FN3K: variants seen among roughly 807,000 people sequenced by gnomAD.
FN3K encodes fructosamine 3 kinase, also known as fructosamine-3-kinase.
A neutral mutation model predicts 24.8 loss-of-function variants in FN3K; 24 were observed. That is an observed-to-expected ratio of 0.97 (90% CI 0.70 to 1.36). FN3K has a LOEUF of 1.36. FN3K is among the 40% of genes most tolerant of loss of function. The probability of loss-of-function intolerance (pLI) is 0.00; values close to 1 mark genes in which losing one functional copy is unlikely to be tolerated. For synonymous variants in FN3K, 192 were observed against 175.2 expected (o/e 1.10, Z -0.76); for missense variants, 449 against 416.7 (o/e 1.08, Z -0.67).
intron 2 of FN3K, 66 bp from the exon 3 acceptor site, chr17:82,740,697 G>A: frequency 8.8e-7 from 1 of 1,132,142 alleles, no homozygotes. Flanking sequence ...TTCTCAAAAT[G>A]GAACAAACTG....
At chr17:82,739,070 C>T (rs535751840) in intron 2 of FN3K, among the ~76,000 whole-genome samples, 2 of 151,062 alleles carry the variant, frequency 1.3e-5, no homozygotes, top group East Asian at 1.9e-4. Flanking sequence ...ACCTCAGCCT[C>T]CTGAGTAGCT....
chr17:82,738,749 C>T (rs2046921614), intron 2 of FN3K, 109 bp downstream of exon 2: 2 of 1,385,612 alleles, frequency 1.4e-6, no homozygotes, highest in East Asian at 4.7e-5. Context: ...GAGACAGAAA[C>T]AGGGAGAAGC....
chr17:82,747,127 GCTTA>G (rs1271396540), intron 4 of FN3K, among the ~76,000 whole-genome samples: 2 of 151,594 alleles, frequency 1.3e-5, no homozygotes, highest in Non-Finnish European at 2.9e-5. Context: ...CTGGCCTCTT[GCTTA>G]CTTTAGGTTT....
intron 4 of FN3K, among the ~76,000 whole-genome samples, chr17:82,746,471 T>G (rs1465094760): frequency 3.3e-5 from 5 of 152,098 alleles, no homozygotes; most frequent in Non-Finnish European, 7.4e-5. Flanking sequence ...TTGCGAATAG[T>G]GTCTCCTAGT....
intron 4 of FN3K, chr17:82,742,896 TG>T (rs1208489623): frequency 8.5e-6 from 3 of 353,306 alleles, no homozygotes; most frequent in Non-Finnish European, 1.7e-5. Context: ...CTCCCTGGTG[TG>T]GGTAGAGGGT....
chr17:82,749,438 C>T, intron 5 of FN3K: 1 of 298,800 alleles, frequency 3.3e-6, no homozygotes, highest in South Asian at 3.1e-5. Context: ...CCTAGGTGGG[C>T]AGATCACTTG....
rs150550287 is a variant in FN3K, at chr17:82,736,369, T to C, written c.141+592T>C. ...GGCCAACATGGTGAAACCCCGTCTC[T>C]ACCAAAAAATGCAATAATTAGCCGG... On this transcript the variant is annotated intron_variant, in intron 1 of 5. Coordinates refer to ENST00000300784, the MANE Select transcript of FN3K (RefSeq NM_022158.4). 4.2e-3 allele frequency: 637 copies of C among 152,468 alleles called. 6 individuals carry two copies. The highest frequency in any genetic ancestry group is 4.7e-3 in the Non-Finnish European group (322 of 68,216). 9.4% of individuals were successfully genotyped at this position (152,468 alleles called of 1,614,324 possible). A position where few individuals can be genotyped will look rare whatever the true frequency, so the allele number is the denominator to read the frequency against.
chr17:82,750,796 C>CGTCTCCCCGTCCCT lies in FN3K; in HGVS notation c.*45_*58dup. ...CTTCCCCTGTCCCCGTCCCCGTCTC[C>CGTCTCCCCGTCCCT]GTCTCCCCGTCCCTGTCCCCCCGTC... On this transcript the variant is annotated 3_prime_UTR_variant, in exon 6 of 6. Coordinates refer to ENST00000300784, the MANE Select transcript of FN3K (RefSeq NM_022158.4). The CGTCTCCCCGTCCCT allele has an allele frequency of 6.5e-7, 1 of 1,529,240 alleles. No individual in the cohort carries two copies. The highest frequency in any genetic ancestry group is 8.8e-7 in the Non-Finnish European group (1 of 1,130,204). The allele number at this position is 1,529,240 out of a possible 1,614,324, so 94.7% of individuals were successfully genotyped here.
chr17:82,750,131 G>C (rs1395443288), intron 5 of FN3K, among the ~76,000 whole-genome samples: 1 of 152,200 alleles, frequency 6.6e-6, no homozygotes, highest in Non-Finnish European at 1.5e-5. Context: ...GCCAGAGTTT[G>C]CTAAGGTAGC....
At chr17:82,738,409 T>A in intron 1 of FN3K, 80 bp from the exon 2 acceptor site, 1 of 1,583,440 alleles carries the variant, frequency 6.3e-7, no homozygotes, top group South Asian at 1.1e-5. Context: ...GACTCCCACG[T>A]GGTAGCTTCT....
chr17:82,740,418 TA>T (rs2046934528), intron 2 of FN3K, among the ~76,000 whole-genome samples: 1 of 51,742 alleles, frequency 1.9e-5, no homozygotes, highest in Non-Finnish European at 3.4e-5. Flanking sequence ...ACCCCATCTC[TA>T]CAAAAAAAAA....
chr17:82,747,489 C>G (rs2046975305), intron 4 of FN3K, among the ~76,000 whole-genome samples: 1 of 152,210 alleles, frequency 6.6e-6, no homozygotes, highest in African/African-American at 2.4e-5. Context: ...CAACCTCTGC[C>G]TCTTGGTTTC....
intron 5 of FN3K, 54 bp downstream of exon 5, chr17:82,749,031 C>A: frequency 6.2e-7 from 1 of 1,611,634 alleles, no homozygotes; most frequent in African/African-American, 1.3e-5. Context: ...ATGATCCCGC[C>A]GCATTTGTGC....
chr17:82,750,375 G>T (rs764086404), intron 5 of FN3K, 42 bp from the exon 6 acceptor site: 1 of 1,552,346 alleles, frequency 6.4e-7, no homozygotes, highest in East Asian at 2.2e-5. Flanking sequence ...TGAGACCGGG[G>T]CTCCCAGAGG....
rs1299731882 is a variant in FN3K at position 82,750,879 on chromosome 17, T to TCCATCCCCCCGTCC, written c.*127_*140dup. The TCCATCCCCCCGTCC allele has an allele frequency of 4.0e-6, 2 of 502,802 alleles. No homozygotes were observed. Among genetic ancestry groups the TCCATCCCCCCGTCC allele is most frequent in the African/African-American group, 7.6e-5 (2 of 26,208 alleles). The allele number at this position is 502,802 out of a possible 1,614,324, so 31.1% of individuals were successfully genotyped here. On this transcript the variant is annotated 3_prime_UTR_variant, in exon 6 of 6. Transcript: ENST00000300784. Reference sequence around the variant, plus strand: ...GTTCCCGTCTCCCCGTCCCTCCGTCTCCATCCCCCCGTCCCCCCATCCTCC... The same window carrying TCCATCCCCCCGTCC: ...GTTCCCGTCTCCCCGTCCCTCCGTCTCCATCCCCCCGTCCCCATCCCCCCGTCCCCCCATCCTCC...
At chr17:82,738,414 G>T in intron 1 of FN3K, 75 bp from the exon 2 acceptor site, 1 of 1,595,356 alleles carries the variant, frequency 6.3e-7, no homozygotes. Context: ...CCACGTGGTA[G>T]CTTCTGTCAA....
intron 1 of FN3K, among the ~76,000 whole-genome samples, chr17:82,737,035 G>A (rs1358253646): frequency 6.6e-6 from 1 of 152,118 alleles, no homozygotes; most frequent in Non-Finnish European, 1.5e-5. Context: ...TTCCTGGCCT[G>A]GTGCATGGGG....
chr17:82,738,361 C>T, intron 1 of FN3K, 128 bp from the exon 2 acceptor site: 2 of 1,334,136 alleles, frequency 1.5e-6, no homozygotes, highest in East Asian at 2.3e-5. Context: ...ACGCCAGCTC[C>T]CAGCCAGAGC....
intron 4 of FN3K, among the ~76,000 whole-genome samples, chr17:82,743,788 G>A (rs2046953642): frequency 6.6e-6 from 1 of 152,248 alleles, no homozygotes; most frequent in Non-Finnish European, 1.5e-5. Flanking sequence ...GGGCAGCTGG[G>A]CTTCGACCCT....
Sources: gnomAD v4.1 joint callset for allele counts (sites outside exome capture counted in the v4.1 genomes callset) on GRCh38, gnomAD v4.1.1 for gene constraint, MANE v1.5 for transcripts, NCBI Gene and HGNC (gene_info 2026-07-23, HGNC 2026-07-21) for gene names.